IL1RAPL1: variants seen among roughly 807,000 people sequenced by gnomAD.
IL1RAPL1 encodes interleukin 1 receptor accessory protein like 1.
A neutral mutation model predicts 48.4 loss-of-function variants in IL1RAPL1; 3 were observed. The observed-to-expected ratio is 0.06, with a 90% confidence interval of 0.03 to 0.16. The LOEUF (loss-of-function observed/expected upper bound fraction) is 0.16, where lower values mean the gene tolerates loss of function less well. Ranked by LOEUF, IL1RAPL1 falls within the 10% of genes least tolerant of loss-of-function variation. The probability of loss-of-function intolerance (pLI) is 1.00; values close to 1 mark genes in which losing one functional copy is unlikely to be tolerated. For missense variants in IL1RAPL1, 349 were observed against 530.6 expected, an observed-to-expected ratio of 0.66 and a Z score of 3.36; for synonymous variants, 185 against 187.7, an observed-to-expected ratio of 0.99 and a Z score of 0.12.
intron 6 of IL1RAPL1, among the ~76,000 whole-genome samples, chrX:29,879,245 G>A (rs1321091220): frequency 1.8e-5 from 2 of 109,858 alleles, no homozygotes; most frequent in South Asian, 7.8e-4. Flanking sequence ...TGGTTGCCTG[G>A]GATTAGGAGT....
chrX:29,861,126 CA>C (rs1931574922), intron 6 of IL1RAPL1, among the ~76,000 whole-genome samples: 1 of 111,260 alleles, frequency 9.0e-6, no homozygotes, highest in African/African-American at 3.3e-5. Flanking sequence ...TTGAAGAGTG[CA>C]AAAAATGTAT....
intron 6 of IL1RAPL1, among the ~76,000 whole-genome samples, chrX:29,741,935 G>GAAAAAAAAAAAA (rs1182352727): frequency 8.1e-5 from 5 of 61,834 alleles, no homozygotes; most frequent in Non-Finnish European, 1.2e-4. Context: ...AAAAAAAAAA[G>GAAAAAAAAAAAA]AAAAAAAAAA....
intron 5 of IL1RAPL1, among the ~76,000 whole-genome samples, chrX:29,611,413 C>T (rs1924090568): frequency 1.8e-5 from 2 of 111,518 alleles, no homozygotes; most frequent in South Asian, 7.5e-4. Flanking sequence ...TACCTGTAGC[C>T]TGGAAGCCCC....
At chrX:28,696,288 A>G (rs188289166) in intron 1 of IL1RAPL1, among the ~76,000 whole-genome samples, 20 of 110,569 alleles carry the variant, frequency 1.8e-4, no homozygotes, top group Admixed American at 1.7e-3. Flanking sequence ...TTATATTTCT[A>G]TTTAGGAATT....
chrX:29,862,969 T>TAAA (rs1206630965), intron 6 of IL1RAPL1, among the ~76,000 whole-genome samples: 2 of 61,551 alleles, frequency 3.2e-5, no homozygotes, highest in African/African-American at 1.2e-4. Flanking sequence ...TTGGCATACT[T>TAAA]AAAAAAAAAA....
At chrX:28,936,307 A>G (rs766387825) in intron 2 of IL1RAPL1, among the ~76,000 whole-genome samples, 22 of 110,852 alleles carry the variant, frequency 2.0e-4, no homozygotes, top group Non-Finnish European at 3.8e-4. Flanking sequence ...ACTAGATAAT[A>G]AATGACTGAG....
At chrX:29,728,199 G>A (rs768791655) in intron 6 of IL1RAPL1, among the ~76,000 whole-genome samples, 1 of 111,458 alleles carries the variant, frequency 9.0e-6, no homozygotes, top group East Asian at 2.8e-4. Flanking sequence ...GCCACCCAAA[G>A]TGCTGGGATT....
At chrX:28,988,518 C>T (rs1011240572) in intron 2 of IL1RAPL1, among the ~76,000 whole-genome samples, 4 of 111,396 alleles carry the variant, frequency 3.6e-5, no homozygotes, top group African/African-American at 6.5e-5. Context: ...GGAGTATACA[C>T]GAAGTTGCAG....
chrX:29,129,696 G>A (rs909576903), intron 2 of IL1RAPL1, among the ~76,000 whole-genome samples: 4 of 96,182 alleles, frequency 4.2e-5, no homozygotes, highest in Admixed American at 1.3e-4. Flanking sequence ...CTGGGTTCAC[G>A]CCATTCTGCT....
chrX:28,823,070 C>T (rs1271365200), intron 2 of IL1RAPL1, among the ~76,000 whole-genome samples: 1 of 111,504 alleles, frequency 9.0e-6, no homozygotes, highest in Admixed American at 9.5e-5. Context: ...CATTGTGTTT[C>T]ATTTTCTTCA....
intron 6 of IL1RAPL1, among the ~76,000 whole-genome samples, chrX:29,880,014 G>A (rs5971884): frequency 0.061 from 6,817 of 111,160 alleles, 512 homozygotes; most frequent in African/African-American, 0.21. Context: ...ATTCCATTCA[G>A]TTGCAAAGCT....
chrX:29,248,819 A>G (rs921891982), intron 2 of IL1RAPL1, among the ~76,000 whole-genome samples: 13 of 111,844 alleles, frequency 1.2e-4, no homozygotes, highest in Non-Finnish European at 1.7e-4. Flanking sequence ...ATGGTCATTC[A>G]TGCCATCTCA....
intron 6 of IL1RAPL1, among the ~76,000 whole-genome samples, chrX:29,710,241 A>G (rs760478614): frequency 5.4e-5 from 6 of 111,042 alleles, no homozygotes; most frequent in Middle Eastern, 4.6e-3. Context: ...CTTGTTCTTG[A>G]TCTTTGAGAA....
intron 6 of IL1RAPL1, among the ~76,000 whole-genome samples, chrX:29,906,316 T>C (rs760798369): frequency 1.3e-4 from 12 of 93,993 alleles, no homozygotes; most frequent in East Asian, 3.3e-4. Context: ...GCCTGGGTGA[T>C]AGAGCGAGAC....
intron 2 of IL1RAPL1, among the ~76,000 whole-genome samples, chrX:29,104,863 A>G (rs1928417778): frequency 8.9e-6 from 1 of 112,035 alleles, no homozygotes; most frequent in Non-Finnish European, 1.9e-5. Context: ...CTATCTTTTA[A>G]TTTGTAAGTT....
chrX:29,004,614 A>G (rs926422418), intron 2 of IL1RAPL1, among the ~76,000 whole-genome samples: 2 of 112,590 alleles, frequency 1.8e-5, no homozygotes, highest in East Asian at 5.6e-4. Flanking sequence ...ACTAATAAAC[A>G]CATTTTTAAT....
At chrX:28,832,373 A>T (rs1377615220) in intron 2 of IL1RAPL1, among the ~76,000 whole-genome samples, 2 of 111,699 alleles carry the variant, frequency 1.8e-5, no homozygotes, top group Non-Finnish European at 3.8e-5. Context: ...GAAGAAATTC[A>T]CTTGCTTTTT....
At chrX:29,043,692 A>G (rs1177995753) in intron 2 of IL1RAPL1, among the ~76,000 whole-genome samples, 2 of 111,924 alleles carry the variant, frequency 1.8e-5, no homozygotes, top group Non-Finnish European at 3.8e-5. Context: ...TGGCTTGGCT[A>G]ATCTATGGAT....
In IL1RAPL1 at chrX:29,857,916, C is replaced by T. The variant is rs141519224; in HGVS notation, c.779-59548C>T. ...TACAGAATCTCTAGGCTTTGACTCT[C>T]CATCTCTGGTGATGAGAATGTTTAT... On this transcript the variant is annotated intron_variant, in intron 6 of 10. Coordinates refer to ENST00000378993, the MANE Select transcript of IL1RAPL1 (RefSeq NM_014271.4). Among the ~76,000 whole-genome samples, 1,034 of 111,684 alleles carry T rather than the reference C, an allele frequency of 9.3e-3. 12 individuals are homozygous for T. Among genetic ancestry groups the T allele is most frequent in the African/African-American group, 0.031 (941 of 30,792 alleles).
Sources: gnomAD v4.1 joint callset for allele counts (sites outside exome capture counted in the v4.1 genomes callset) on GRCh38, gnomAD v4.1.1 for gene constraint, MANE v1.5 for transcripts, NCBI Gene and HGNC (gene_info 2026-07-23, HGNC 2026-07-21) for gene names.